The following SKAP1 variants were observed in gnomAD, a reference collection of about 807,000 sequenced individuals.
SKAP1 encodes the protein src kinase associated phosphoprotein 1.
Under a neutral mutation model 58.5 loss-of-function variants are expected in SKAP1, and 44 were observed. The observed-to-expected ratio is 0.75, with a 90% CI of 0.59 to 0.97. The LOEUF is 0.97. Ranked by LOEUF, SKAP1 falls within the 50% of genes least tolerant of loss-of-function variation. The pLI, the probability that SKAP1 is intolerant of heterozygous loss-of-function variation, is 0.00. For missense variants in SKAP1, 390 were observed against 435.2 expected, an observed-to-expected ratio of 0.90 and a Z score of 0.92; for synonymous variants, 127 against 149.7, an observed-to-expected ratio of 0.85 and a Z score of 1.11.
chr17:48,156,025 C>G (rs1195867995), intron 11 of SKAP1, among the ~76,000 whole-genome samples: 2 of 152,222 alleles, frequency 1.3e-5, no homozygotes, highest in Admixed American at 1.3e-4. Context: ...TGGAGTACAC[C>G]TGTTGTTGAA....
intron 4 of SKAP1, among the ~76,000 whole-genome samples, chr17:48,312,554 G>C (rs915442135): frequency 3.3e-5 from 5 of 152,168 alleles, no homozygotes; most frequent in African/African-American, 1.2e-4. Context: ...GAAAAGATTT[G>C]AGGGCTATTT....
the SKAP1 span, among the ~76,000 whole-genome samples, chr17:48,443,387 C>T: frequency 6.6e-6 from 1 of 152,214 alleles, no homozygotes; most frequent in East Asian, 1.9e-4. Flanking sequence ...CTAATGTATT[C>T]CCAGCAACTG....
intron 11 of SKAP1, among the ~76,000 whole-genome samples, chr17:48,144,866 A>T (rs1156546746): frequency 6.6e-6 from 1 of 152,178 alleles, no homozygotes; most frequent in Non-Finnish European, 1.5e-5. Context: ...TGAAATCCTC[A>T]ATTTGGAAGT....
intron 10 of SKAP1, among the ~76,000 whole-genome samples, chr17:48,168,981 C>T (rs1366498762): frequency 6.6e-6 from 1 of 152,170 alleles, no homozygotes; most frequent in Non-Finnish European, 1.5e-5. Flanking sequence ...AAAAAGTCCT[C>T]CTGTTTTTTA....
chr17:48,142,008 G>A (rs758865964), intron 11 of SKAP1, among the ~76,000 whole-genome samples: 2 of 152,128 alleles, frequency 1.3e-5, no homozygotes, highest in Non-Finnish European at 2.9e-5. Context: ...GTGCTTTCCT[G>A]GAAAAGAGCT....
chr17:48,437,025 C>T, the SKAP1 span, among the ~76,000 whole-genome samples: 2 of 152,174 alleles, frequency 1.3e-5, no homozygotes, highest in African/African-American at 2.4e-5. Context: ...CATAGGTATT[C>T]GCCAGAGTTT....
chr17:48,281,172 C>T (rs1160799966), intron 4 of SKAP1, among the ~76,000 whole-genome samples: 1 of 152,106 alleles, frequency 6.6e-6, no homozygotes, highest in Admixed American at 6.5e-5. Context: ...ATTACAGGCA[C>T]ATGCCACCAT....
intron 4 of SKAP1, among the ~76,000 whole-genome samples, chr17:48,190,362 T>C (rs193114628): frequency 1.3e-5 from 2 of 152,166 alleles, no homozygotes; most frequent in South Asian, 2.1e-4. Context: ...TCCGTCCACG[T>C]TGGCCTCCCA....
At chr17:48,349,011 GT>G (rs1416518412) in intron 3 of SKAP1, among the ~76,000 whole-genome samples, 1 of 152,208 alleles carries the variant, frequency 6.6e-6, no homozygotes, top group Non-Finnish European at 1.5e-5. Flanking sequence ...TGATGGAGAT[GT>G]TGTTATAAGT....
intron 4 of SKAP1, among the ~76,000 whole-genome samples, chr17:48,199,167 T>C (rs1309550388): frequency 6.6e-6 from 1 of 152,230 alleles, no homozygotes; most frequent in Non-Finnish European, 1.5e-5. Flanking sequence ...GAATCACTTT[T>C]TAACTGGTTC....
chr17:48,427,578 T>C (rs1281238256), intron 1 of SKAP1, among the ~76,000 whole-genome samples: 4 of 145,892 alleles, frequency 2.7e-5, no homozygotes, highest in Non-Finnish European at 6.0e-5. Context: ...CTCTTCATTA[T>C]GCAAAATTTT....
intron 2 of SKAP1, among the ~76,000 whole-genome samples, chr17:48,379,779 T>C (rs2067193263): frequency 6.6e-6 from 1 of 151,746 alleles, no homozygotes; most frequent in Non-Finnish European, 1.5e-5. Flanking sequence ...CCTCCCGGGT[T>C]CAAGCAATTC....
At chr17:48,243,799 C>T (rs943127584) in intron 4 of SKAP1, among the ~76,000 whole-genome samples, 2 of 152,090 alleles carry the variant, frequency 1.3e-5, no homozygotes, top group Admixed American at 6.5e-5. Flanking sequence ...AAATGTATTA[C>T]CTCACAAAGG....
intron 4 of SKAP1, among the ~76,000 whole-genome samples, chr17:48,304,468 T>A (rs921995212): frequency 7.9e-5 from 12 of 152,174 alleles, no homozygotes; most frequent in African/African-American, 2.9e-4. Flanking sequence ...TAGAAGGTAG[T>A]GTAGAATTGT....
chr17:48,204,973 T>TTTTCTTTCTTTCTTTC (rs1555602827), intron 4 of SKAP1, among the ~76,000 whole-genome samples: 3 of 77,324 alleles, frequency 3.9e-5, no homozygotes, highest in Non-Finnish European at 4.8e-5. Flanking sequence ...TTTTCTTTTC[T>TTTTCTTTCTTTCTTTC]TTTCTTTCTT....
intron 1 of SKAP1, among the ~76,000 whole-genome samples, chr17:48,397,450 T>C: frequency 6.6e-6 from 1 of 152,204 alleles, no homozygotes; most frequent in East Asian, 1.9e-4. Context: ...GGTTTCGAAC[T>C]CCTGAGCTCA....
chr17:48,325,847 T>C (rs555201125), intron 4 of SKAP1, among the ~76,000 whole-genome samples: 15 of 152,366 alleles, frequency 9.8e-5, no homozygotes, highest in Admixed American at 9.1e-4. Flanking sequence ...GAAAACAATG[T>C]ATATCTTTCC....
intron 4 of SKAP1, chr17:48,308,651 A>T (rs922828175): frequency 2.6e-5 from 4 of 152,184 alleles, no homozygotes; most frequent in Non-Finnish European, 5.9e-5. Context: ...CATTCATCCA[A>T]TTACATGGAA....
intron 4 of SKAP1, among the ~76,000 whole-genome samples, chr17:48,336,228 T>C (rs1254776341): frequency 1.3e-5 from 2 of 152,110 alleles, no homozygotes; most frequent in African/African-American, 4.8e-5. Context: ...AGCACTACAC[T>C]GGTGTGCTCT....
Sources: allele counts gnomAD v4.1 joint callset (sites outside exome capture counted in the v4.1 genomes callset), GRCh38; gene constraint gnomAD v4.1.1; transcripts MANE v1.5; gene names NCBI Gene and HGNC (gene_info 2026-07-23, HGNC 2026-07-21).